USP34: variants seen among roughly 807,000 people sequenced by gnomAD.
USP34 encodes ubiquitin carboxyl-terminal hydrolase 34.
Under a neutral mutation model 460.3 loss-of-function variants are expected in USP34, and 70 were observed. The observed-to-expected ratio is 0.15, with a 90% CI of 0.13 to 0.19. The LOEUF (loss-of-function observed/expected upper bound fraction) is 0.19, where lower values mean the gene tolerates loss of function less well. USP34 is among the 10% of genes least tolerant of loss of function. The probability of loss-of-function intolerance (pLI) is 1.00; values close to 1 mark genes in which losing one functional copy is unlikely to be tolerated. For synonymous variants in USP34, 1,647 were observed against 1,405.3 expected, an observed-to-expected ratio of 1.17 and a Z score of -3.85; for missense variants, 3,985 against 4,236.2, an observed-to-expected ratio of 0.94 and a Z score of 1.65.
chr2:61,325,398 G>A lies in USP34; in HGVS notation c.2990C>T (p.Thr997Ile), dbSNP rs1417680594. The A allele has an allele frequency of 3.2e-6, 5 of 1,558,602 alleles. No individual in the cohort carries two copies. Among genetic ancestry groups the A allele is most frequent in the Non-Finnish European group, 4.3e-6 (5 of 1,160,830 alleles). Residue 997 changes from threonine (T) to isoleucine (I), a missense_variant, in exon 21 of 80, where the codon ACT becomes ATT. Physicochemically the swap from Thr to Ile is moderately conservative, Grantham distance 89. Transcript: ENST00000398571. Reference sequence around the variant, plus strand: ...ACTGAAATGATCAGGTGATCCCAGAGTTGAAAATACACAAGTCAAGAATTG... The same window carrying A: ...ACTGAAATGATCAGGTGATCCCAGAATTGAAAATACACAAGTCAAGAATTG... ...RLQFLTCVFS[T>I]LGSPDHFRLS...
intron 3 of USP34, among the ~76,000 whole-genome samples, chr2:61,398,934 C>A (rs1693627032): frequency 6.6e-6 from 1 of 152,174 alleles, no homozygotes; most frequent in Admixed American, 6.5e-5. Context: ...CGAACTTTTT[C>A]ATGGTCTTCA....
intron 28 of USP34, 55 bp downstream of exon 28, chr2:61,301,299 C>CA (rs1334485032): frequency 6.4e-7 from 1 of 1,570,294 alleles, no homozygotes; most frequent in African/African-American, 1.4e-5. Flanking sequence ...TGCGACTATT[C>CA]AACTGATGAT....
At chr2:61,278,466 A>T (rs754196783) in intron 39 of USP34, 23 bp from the exon 40 acceptor site, 9 of 1,474,848 alleles carry the variant, frequency 6.1e-6, no homozygotes, top group Admixed American at 2.6e-5. Context: ...AGAAAATAAA[A>T]ATTCAAATAT....
At chr2:61,466,432 A>C (rs1283521870) in intron 1 of USP34, among the ~76,000 whole-genome samples, 2 of 152,176 alleles carry the variant, frequency 1.3e-5, no homozygotes, top group Non-Finnish European at 2.9e-5. Flanking sequence ...TCTCAAAAAA[A>C]CAATAATATA....
At chr2:61,423,327 C>T (rs1694416535) in intron 1 of USP34, among the ~76,000 whole-genome samples, 2 of 151,970 alleles carry the variant, frequency 1.3e-5, no homozygotes, top group Non-Finnish European at 2.9e-5. Flanking sequence ...GGCCAGGCTG[C>T]TCTCGAACTC....
chr2:61,348,502 T>A (rs906813265), intron 14 of USP34, 22 bp from the exon 15 acceptor site: 2 of 1,592,590 alleles, frequency 1.3e-6, no homozygotes, highest in African/African-American at 2.7e-5. Context: ...AACAAATAGA[T>A]TTAAATAAAT....
chr2:61,269,957 A>C (rs958727786), intron 41 of USP34, among the ~76,000 whole-genome samples: 12 of 152,306 alleles, frequency 7.9e-5, no homozygotes, highest in East Asian at 5.8e-4. Context: ...GAAATACACA[A>C]AAAAAATTTT....
rs1467337794 is a variant in USP34, at chr2:61,325,919, A to G, written c.2931-462T>C. On this transcript the variant is annotated intron_variant, in intron 20 of 79. Transcript: ENST00000398571. ...AGTTCATGAAAAGTAGAGCTGATACAAAATTTGTATTTTTGAATGTTATTT... is the reference window on the plus strand; with the variant it reads ...AGTTCATGAAAAGTAGAGCTGATACGAAATTTGTATTTTTGAATGTTATTT... 2.6e-5 allele frequency among the ~76,000 whole-genome samples: 4 copies of G among 152,254 alleles called. No homozygotes were observed. In the East Asian group the frequency reaches 7.7e-4, roughly 29 times the overall value.
intron 3 of USP34, among the ~76,000 whole-genome samples, chr2:61,405,363 C>G (rs1041681743): frequency 2.1e-4 from 32 of 151,358 alleles, no homozygotes; most frequent in African/African-American, 7.5e-4. Flanking sequence ...GATCTGTAGA[C>G]TGTTTCTAAG....
chr2:61,320,900 C>T (rs1269062500), intron 21 of USP34, among the ~76,000 whole-genome samples: 1 of 151,970 alleles, frequency 6.6e-6, no homozygotes, highest in Non-Finnish European at 1.5e-5. Context: ...ATCCCAGCTA[C>T]TCGGGAGGAT....
Position 61,380,271 on chromosome 2 carries a change from C to T in USP34, c.912G>A (p.Leu304=), listed in dbSNP as rs1692930718. ...DLMWSTVKEP[L]DTTLCFDKES... The stretch of plus-strand genomic sequence containing the variant: ...CTTTATCAAAGCATAATGTTGTATC[C>T]AATGGTTCTTTGACTGTGCTCCACA... The change falls in exon 7 of 80, where the codon TTG becomes TTA. Residue 304 remains leucine (L), a synonymous_variant. Transcript: ENST00000398571. The T allele has an allele frequency of 6.2e-7, 1 of 1,613,952 alleles. No individual in the cohort carries two copies. Among genetic ancestry groups the T allele is most frequent in the Non-Finnish European group, 8.5e-7 (1 of 1,179,990 alleles).
chr2:61,187,931 T>G lies in USP34; in HGVS notation c.*171A>C. 1.4e-6 allele frequency: 2 copies of G among 1,431,884 alleles called. No homozygotes were observed. The highest frequency in any genetic ancestry group is 1.8e-6 in the Non-Finnish European group (2 of 1,091,048). 88.7% of individuals were successfully genotyped at this position (1,431,884 alleles called of 1,614,324 possible). A position where few individuals can be genotyped will look rare whatever the true frequency, so the allele number is the denominator to read the frequency against. ...TAGGAAGTATACTGAAGATGCAAGT[T>G]TTTTTCATCTGGAGTTCTGCCTGAC... On this transcript the variant is annotated 3_prime_UTR_variant, in exon 80 of 80. Transcript: ENST00000398571.
intron 67 of USP34, among the ~76,000 whole-genome samples, chr2:61,218,316 GAAA>G (rs79272493): frequency 5.6e-5 from 5 of 89,734 alleles, no homozygotes; most frequent in African/African-American, 9.0e-5. Context: ...AAACTTCCAG[GAAA>G]AAAAAAAAAA....
Position 61,445,279 on chromosome 2 carries a change from T to TAC in USP34, c.44-24447_44-24446insGT, listed in dbSNP as rs772698545. Among the ~76,000 whole-genome samples the TAC allele has an allele frequency of 1.3e-4, 18 of 139,850 alleles. No homozygotes were observed. The East Asian group carries it at 3.8e-3, about 30-fold the overall frequency. The allele number at this position is 139,850 out of a possible 152,430, so 91.7% of individuals were successfully genotyped here. On this transcript the variant is annotated intron_variant, in intron 1 of 79. Transcript: ENST00000398571. The stretch of plus-strand genomic sequence containing the variant: ...GGCCGGGCCCGGTGGCTCACACCTG[T>TAC]AATCCCAGCACTTTGGGAGGCCGAG...
At chr2:61,345,827 G>A (rs773067749) in intron 15 of USP34, among the ~76,000 whole-genome samples, 3 of 152,102 alleles carry the variant, frequency 2.0e-5, no homozygotes, top group Non-Finnish European at 4.4e-5. Context: ...TGTAGAGACA[G>A]GGCCCCACTA....
chr2:61,230,669 C>T (rs540012367), intron 58 of USP34, among the ~76,000 whole-genome samples: 33 of 152,076 alleles, frequency 2.2e-4, no homozygotes, highest in African/African-American at 7.5e-4. Context: ...ATGGTGAAAT[C>T]CCGTCTCTAC....
intron 5 of USP34, among the ~76,000 whole-genome samples, chr2:61,392,966 G>T (rs1478363002): frequency 6.6e-6 from 1 of 152,126 alleles, no homozygotes; most frequent in Non-Finnish European, 1.5e-5. Context: ...CAGAATAACA[G>T]GATCACTTAG....
chr2:61,216,843 T>C (rs1294942228), intron 67 of USP34, among the ~76,000 whole-genome samples: 1 of 150,760 alleles, frequency 6.6e-6, no homozygotes, highest in Non-Finnish European at 1.5e-5. Flanking sequence ...ACTTTAACTC[T>C]GGAGGTGGAG....
Position 61,420,736 on chromosome 2 carries a change from A to C in USP34, c.131+10T>G, listed in dbSNP as rs1694330741. On this transcript the variant is annotated intron_variant, in intron 2 of 79. Transcript: ENST00000398571. ...AAAAATTAGTCTTCGAAATACCTAA[A>C]GATGCATACCTCTGTGTCCAGGAAT... The C allele has an allele frequency of 2.5e-6, 4 of 1,580,974 alleles. No homozygotes were observed. The East Asian group carries it at 9.0e-5, about 36-fold the overall frequency.
Sources: allele counts gnomAD v4.1 joint callset (sites outside exome capture counted in the v4.1 genomes callset), GRCh38; gene constraint gnomAD v4.1.1; transcripts MANE v1.5; gene names NCBI Gene and HGNC (gene_info 2026-07-23, HGNC 2026-07-21).